TUBA1C: variants seen among roughly 807,000 people sequenced by gnomAD.
TUBA1C encodes tubulin alpha 1c.
In TUBA1C, 16 loss-of-function variants were observed where a neutral mutation model predicts 34.9. The observed-to-expected ratio is 0.46, with a 90% CI of 0.31 to 0.70. The LOEUF (loss-of-function observed/expected upper bound fraction) is 0.70. Ranked by LOEUF, TUBA1C falls within the 30% of genes least tolerant of loss-of-function variation. The probability of loss-of-function intolerance (pLI) is 0.05; values close to 1 mark genes in which losing one functional copy is unlikely to be tolerated. For synonymous variants in TUBA1C, 177 were observed against 215.9 expected (o/e 0.82, Z 1.58); for missense variants, 329 against 587.3 (o/e 0.56, Z 4.55).
chr12:49,236,012 A>AT (rs1942551612), intron 1 of TUBA1C, among the ~76,000 whole-genome samples: 2 of 152,164 alleles, frequency 1.3e-5, no homozygotes, highest in African/African-American at 4.8e-5. Flanking sequence ...AATGCTTCTG[A>AT]TTTTGCTGAA....
chr12:49,266,261 T>TAAA lies in TUBA1C; in HGVS notation c.3+1094_3+1096dup, dbSNP rs35928737. ...TAACACGGTGAAACCCCGTCTCTAC[T>TAAA]AAAAAAAAAAAAAAAAAAATTAGCT... On this transcript the variant is annotated intron_variant, in intron 1 of 3. Coordinates refer to ENST00000301072, the MANE Select transcript of TUBA1C (RefSeq NM_032704.5). Among the ~76,000 whole-genome samples the TAAA allele has an allele frequency of 5.1e-3, 403 of 79,488 alleles. 2 individuals carry two copies. Among genetic ancestry groups the TAAA allele is most frequent in the African/African-American group, 0.017 (388 of 22,228 alleles). 52.1% of individuals were successfully genotyped at this position (79,488 alleles called of 152,430 possible). A position where few individuals can be genotyped will look rare whatever the true frequency, so the allele number is the denominator to read the frequency against.
chr12:49,271,498 T>G (rs998742432), intron 3 of TUBA1C, among the ~76,000 whole-genome samples: 50 of 152,336 alleles, frequency 3.3e-4, no homozygotes, highest in African/African-American at 1.2e-3. Flanking sequence ...GTGCTTACTG[T>G]GCCAAGCACT....
intron 1 of TUBA1C, among the ~76,000 whole-genome samples, chr12:49,238,176 A>C (rs1445268223): frequency 6.6e-6 from 1 of 152,144 alleles, no homozygotes; most frequent in Non-Finnish European, 1.5e-5. Flanking sequence ...AGTAAGACGA[A>C]GTTATTGGGT....
rs1943018491 is a variant in TUBA1C at position 49,273,190 on chromosome 12, A to G, written c.1313A>G (p.Asp438Gly). Residue 438 changes from aspartate to glycine, a missense_variant, in exon 4 of 4, where the codon GAT (aspartate) becomes GGT (glycine). Asp to Gly is a moderately conservative substitution (Grantham distance 94). Coordinates refer to ENST00000301072, the MANE Select transcript of TUBA1C (RefSeq NM_032704.5). ...LEKDYEEVGADSADGEDEGEE... is the reference protein window; with the variant it reads ...LEKDYEEVGAGSADGEDEGEE... ...AAGGATTATGAGGAGGTTGGAGCAGATAGTGCTGACGGAGAGGATGAGGGT... is the reference window on the plus strand; with the variant it reads ...AAGGATTATGAGGAGGTTGGAGCAGGTAGTGCTGACGGAGAGGATGAGGGT... 1.2e-6 allele frequency: 2 copies of G among 1,614,194 alleles called. No homozygotes were observed. The highest frequency in any genetic ancestry group is 1.7e-6 in the Non-Finnish European group (2 of 1,180,042).
intron 1 of TUBA1C, among the ~76,000 whole-genome samples, chr12:49,267,197 GAA>G (rs1364947150): frequency 2.6e-5 from 4 of 152,216 alleles, no homozygotes; most frequent in African/African-American, 9.6e-5. Context: ...AGCAATGAAA[GAA>G]AAATTGCGGG....
intron 1 of TUBA1C, among the ~76,000 whole-genome samples, chr12:49,256,708 A>G (rs1002836484): frequency 6.6e-6 from 1 of 152,214 alleles, no homozygotes; most frequent in Non-Finnish European, 1.5e-5. Context: ...AAGTGTTGTA[A>G]AAACAGAGGC....
At chr12:49,253,045 C>T (rs1592279725) in intron 1 of TUBA1C, among the ~76,000 whole-genome samples, 1 of 149,804 alleles carries the variant, frequency 6.7e-6, no homozygotes, top group African/African-American at 2.5e-5. Flanking sequence ...GATTGCAGCA[C>T]CACTGCACTC....
chr12:49,247,723 G>T (rs575485507), intron 1 of TUBA1C, among the ~76,000 whole-genome samples: 1 of 151,104 alleles, frequency 6.6e-6, no homozygotes, highest in Non-Finnish European at 1.5e-5. Flanking sequence ...CAAGGCAGGC[G>T]GATCACGAGG....
At chr12:49,235,175 A>G (rs551355691) in intron 1 of TUBA1C, among the ~76,000 whole-genome samples, 34 of 152,196 alleles carry the variant, frequency 2.2e-4, no homozygotes, top group South Asian at 1.2e-3. Context: ...AGACATCTCA[A>G]ATGCATTGCA....
upstream of TUBA1C, chr12:49,264,944 A>C (rs1592285113): frequency 2.4e-6 from 1 of 424,204 alleles, no homozygotes; most frequent in Non-Finnish European, 3.8e-6. Context: ...GCGCGCCCCC[A>C]CTCCGCGGGT....
intron 1 of TUBA1C, among the ~76,000 whole-genome samples, chr12:49,268,688 C>A (rs1284731507): frequency 6.6e-6 from 1 of 152,110 alleles, no homozygotes; most frequent in Non-Finnish European, 1.5e-5. Context: ...TGCCTCTGAC[C>A]ACAGTTTTTA....
upstream of TUBA1C, among the ~76,000 whole-genome samples, chr12:49,260,605 A>C (rs138777620): frequency 6.6e-6 from 1 of 152,260 alleles, no homozygotes; most frequent in Non-Finnish European, 1.5e-5. Context: ...AATAAATAAA[A>C]GTTAAAGGAT....
rs139487801 is a variant in TUBA1C, at chr12:49,234,092, G to C, written c.213+5926G>C. 7.3e-3 allele frequency: 1,114 copies of C among 152,518 alleles called. 8 individuals carry two copies. The highest frequency in any genetic ancestry group is 0.027 in the Middle Eastern group (8 of 294). The allele number at this position is 152,518 out of a possible 1,614,324, so 9.4% of individuals were successfully genotyped here. A position where few individuals can be genotyped will look rare whatever the true frequency, so the allele number is the denominator to read the frequency against. ...CCTGTCAAATGGGTGCAGAGAAAAG[G>C]GAAGTGGGGAGAGGAGGAGGGACCT... is the stretch of plus-strand genomic sequence containing the variant. On this transcript the variant is annotated intron_variant, in intron 1 of 3. Transcript: ENST00000541364.
chr12:49,255,174 C>T (rs1052357720), intron 1 of TUBA1C, among the ~76,000 whole-genome samples: 2 of 151,954 alleles, frequency 1.3e-5, no homozygotes, highest in Admixed American at 6.6e-5. Flanking sequence ...GCCAAGGTTA[C>T]TCTATTTAAT....
chr12:49,237,277 G>C (rs1942565477), intron 1 of TUBA1C, among the ~76,000 whole-genome samples: 1 of 151,514 alleles, frequency 6.6e-6, no homozygotes, highest in African/African-American at 2.4e-5. Context: ...AAATTAGCCG[G>C]GAGTGGTGGC....
intron 1 of TUBA1C, among the ~76,000 whole-genome samples, chr12:49,268,131 C>G (rs11168953): frequency 0.032 from 4,828 of 152,034 alleles, 107 homozygotes; most frequent in African/African-American, 0.061. Flanking sequence ...CAGAGTCTTG[C>G]CTCTGTTGCC....
At chr12:49,265,565 A>G (rs1034136648) in intron 1 of TUBA1C, among the ~76,000 whole-genome samples, 4 of 152,154 alleles carry the variant, frequency 2.6e-5, no homozygotes, top group South Asian at 2.1e-4. Context: ...CTGCCTTACA[A>G]ACTGGGCCCC....
intron 1 of TUBA1C, among the ~76,000 whole-genome samples, chr12:49,240,296 GAAAAAAAAAA>G (rs201018194): frequency 1.2e-5 from 1 of 81,968 alleles, no homozygotes; most frequent in Non-Finnish European, 2.5e-5. Flanking sequence ...ACCATTCTCT[GAAAAAAAAAA>G]AAAAAAAAAG....
chr12:49,265,077 C>A, upstream of TUBA1C: 1 of 1,424,756 alleles, frequency 7.0e-7, no homozygotes, highest in East Asian at 2.6e-5. Flanking sequence ...GCCGGCCACC[C>A]TTTCACTACT....
Sources: allele counts gnomAD v4.1 joint callset (sites outside exome capture counted in the v4.1 genomes callset), GRCh38; gene constraint gnomAD v4.1.1; transcripts MANE v1.5; gene names NCBI Gene and HGNC (gene_info 2026-07-23, HGNC 2026-07-21).